Variants in KIAA1958 observed in about 807,000 individuals in gnomAD.
The protein encoded by KIAA1958 is uncharacterized protein KIAA1958.
A neutral mutation model predicts 47.2 loss-of-function variants in KIAA1958; 14 were observed. The ratio of observed to expected loss-of-function variants is 0.30; its 90% CI spans 0.20 to 0.46. KIAA1958 has a LOEUF of 0.46. Among genes scored for constraint, KIAA1958 ranks in the 20% least tolerant of loss-of-function variants. The pLI is 1.00. For synonymous variants in KIAA1958, 354 were observed against 353.3 expected, an observed-to-expected ratio of 1.00 and a Z score of -0.02; for missense variants, 803 against 909.2, an observed-to-expected ratio of 0.88 and a Z score of 1.50.
At chr9:112,489,372 T>A (rs1833923014) in intron 1 of KIAA1958, among the ~76,000 whole-genome samples, 1 of 152,192 alleles carries the variant, frequency 6.6e-6, no homozygotes, top group Non-Finnish European at 1.5e-5. Context: ...TACTGAGAAT[T>A]GTTTTGGCAA....
chr9:112,599,996 G>T (rs1418127500), intron 2 of KIAA1958, among the ~76,000 whole-genome samples: 1 of 152,162 alleles, frequency 6.6e-6, no homozygotes, highest in Non-Finnish European at 1.5e-5. Context: ...TTACAGTCCT[G>T]TGGGTTTCAT....
At chr9:112,623,789 G>T (rs966303773) in intron 2 of KIAA1958, among the ~76,000 whole-genome samples, 4 of 152,150 alleles carry the variant, frequency 2.6e-5, no homozygotes, top group African/African-American at 4.8e-5. Context: ...TTCAGGCAGG[G>T]AAGTGGGAGG....
At chr9:112,555,803 G>C (rs531384237) in intron 1 of KIAA1958, among the ~76,000 whole-genome samples, 1 of 152,136 alleles carries the variant, frequency 6.6e-6, no homozygotes, top group Non-Finnish European at 1.5e-5. Flanking sequence ...GACCCGGTGC[G>C]GTGGCTCACG....
At chr9:112,598,717 C>G (rs1442366848) in intron 2 of KIAA1958, among the ~76,000 whole-genome samples, 1 of 152,122 alleles carries the variant, frequency 6.6e-6, no homozygotes, top group Non-Finnish European at 1.5e-5. Flanking sequence ...AAACAAGACA[C>G]ACAAGAAAAC....
chr9:112,660,283 C>T lies in KIAA1958; in HGVS notation c.*214C>T, dbSNP rs1287205255. 15 of 567,490 alleles carry T rather than the reference C, an allele frequency of 2.6e-5. No homozygotes were observed. The highest frequency in any genetic ancestry group is 1.2e-4 in the South Asian group (5 of 42,256). The allele number at this position is 567,490 out of a possible 1,614,324, so 35.2% of individuals were successfully genotyped here. On this transcript the variant is annotated 3_prime_UTR_variant, in exon 4 of 4. Coordinates refer to ENST00000337530, the MANE Select transcript of KIAA1958 (RefSeq NM_133465.4). The stretch of plus-strand genomic sequence containing the variant: ...CATTCGGATGGTTTATCCAAATGTG[C>T]GTCAACTTCGTTAGCTTTTAGAATC...
At chr9:112,536,115 G>A (rs1224073641) in intron 1 of KIAA1958, among the ~76,000 whole-genome samples, 1 of 152,162 alleles carries the variant, frequency 6.6e-6, no homozygotes, top group Non-Finnish European at 1.5e-5. Flanking sequence ...CTCTCTACTG[G>A]AAGTGAATGT....
intron 1 of KIAA1958, among the ~76,000 whole-genome samples, chr9:112,557,101 G>C (rs1401030634): frequency 1.3e-5 from 2 of 151,966 alleles, no homozygotes; most frequent in African/African-American, 4.8e-5. Flanking sequence ...TGGGACTAAC[G>C]GCACGTACCA....
chr9:112,659,378 G>A lies in KIAA1958; in HGVS notation c.1460G>A (p.Arg487His), dbSNP rs1233593428. 4 of 1,614,026 alleles carry A rather than the reference G, an allele frequency of 2.5e-6. No homozygotes were observed. Among genetic ancestry groups the A allele is most frequent in the Non-Finnish European group, 1.7e-6 (2 of 1,180,026 alleles). Reference protein sequence around the residue: ...SLHAIRRGLDRILKNAGVGFS... With the variant: ...SLHAIRRGLDHILKNAGVGFS... Reference sequence around the variant, plus strand: ...CATGCTATTCGCCGAGGCCTGGACCGCATCCTGAAGAATGCAGGTGTCGGC... The same window carrying A: ...CATGCTATTCGCCGAGGCCTGGACCACATCCTGAAGAATGCAGGTGTCGGC... The change falls in exon 4 of 4, where the codon CGC (arginine) becomes CAC (histidine). Residue 487 changes from arginine (R) to histidine (H), a missense_variant. By Grantham distance (29) the Arg-to-His change is conservative. Coordinates refer to ENST00000337530, the MANE Select transcript of KIAA1958 (RefSeq NM_133465.4).
chr9:112,597,820 T>C (rs1258510604), intron 2 of KIAA1958, among the ~76,000 whole-genome samples: 1 of 152,242 alleles, frequency 6.6e-6, no homozygotes, highest in Non-Finnish European at 1.5e-5. Flanking sequence ...TTGTTTTCTT[T>C]TGGCTTTATA....
chr9:112,634,441 G>A (rs1836766179), intron 2 of KIAA1958, among the ~76,000 whole-genome samples: 1 of 152,078 alleles, frequency 6.6e-6, no homozygotes, highest in Non-Finnish European at 1.5e-5. Flanking sequence ...ATATTAGCCA[G>A]GCTGGTCTTG....
intron 1 of KIAA1958, among the ~76,000 whole-genome samples, chr9:112,506,299 A>G (rs1834233921): frequency 6.6e-6 from 1 of 152,114 alleles, no homozygotes. Flanking sequence ...TACTAAAAAT[A>G]CAAAAAATTA....
rs1837339084 is a variant in KIAA1958, at chr9:112,665,322, C to T, written c.*5253C>T. The T allele has an allele frequency of 6.6e-6, 1 of 152,148 alleles. No individual in the cohort carries two copies. The highest frequency in any genetic ancestry group is 1.5e-5 in the Non-Finnish European group (1 of 68,028). 9.4% of individuals were successfully genotyped at this position (152,148 alleles called of 1,614,324 possible). A position where few individuals can be genotyped will look rare whatever the true frequency, so the allele number is the denominator to read the frequency against. ...CTCAGATTTGACTAAGACTGTGTTA[C>T]GTGCTTTCTCACAGCTGCCATATAT... On this transcript the variant is annotated 3_prime_UTR_variant, in exon 4 of 4. Coordinates refer to ENST00000337530, the MANE Select transcript of KIAA1958 (RefSeq NM_133465.4).
At chr9:112,539,882 G>T (rs963937603) in intron 1 of KIAA1958, among the ~76,000 whole-genome samples, 1 of 151,880 alleles carries the variant, frequency 6.6e-6, no homozygotes, top group Non-Finnish European at 1.5e-5. Flanking sequence ...TGAGTGACGG[G>T]GTTTCACCAT....
intron 1 of KIAA1958, among the ~76,000 whole-genome samples, chr9:112,520,131 G>A (rs1048163522): frequency 6.6e-6 from 1 of 152,208 alleles, no homozygotes; most frequent in Non-Finnish European, 1.5e-5. Context: ...GTAGTAAGGA[G>A]ATGGCAAATT....
At chr9:112,552,819 A>G (rs575538497) in intron 1 of KIAA1958, among the ~76,000 whole-genome samples, 10 of 152,288 alleles carry the variant, frequency 6.6e-5, no homozygotes, top group African/African-American at 2.4e-4. Flanking sequence ...CCAAGTTGGC[A>G]TGCAGCTGTG....
intron 1 of KIAA1958, among the ~76,000 whole-genome samples, chr9:112,547,819 G>A (rs576380069): frequency 2.0e-4 from 30 of 152,158 alleles, no homozygotes; most frequent in South Asian, 1.0e-3. Context: ...TTTTAAGTCT[G>A]ATTAAGAAAC....
chr9:112,507,265 A>G (rs1834248855), intron 1 of KIAA1958, among the ~76,000 whole-genome samples: 2 of 152,306 alleles, frequency 1.3e-5, no homozygotes, highest in East Asian at 1.9e-4. Context: ...CACTCTTTTC[A>G]GGGCTTAGGT....
At chr9:112,579,677 AT>A (rs1239714955) in intron 2 of KIAA1958, among the ~76,000 whole-genome samples, 1 of 152,178 alleles carries the variant, frequency 6.6e-6, no homozygotes, top group Non-Finnish European at 1.5e-5. Context: ...CAAAAAATGC[AT>A]TCAGAAAGAA....
intron 3 of KIAA1958, among the ~76,000 whole-genome samples, chr9:112,653,270 T>C (rs1047327595): frequency 6.6e-6 from 1 of 152,160 alleles, no homozygotes; most frequent in African/African-American, 2.4e-5. Context: ...TTTCTAGTTA[T>C]GGCAAGAAGT....
Sources: allele counts gnomAD v4.1 joint callset (sites outside exome capture counted in the v4.1 genomes callset), GRCh38; gene constraint gnomAD v4.1.1; transcripts MANE v1.5; gene names NCBI Gene and HGNC (gene_info 2026-07-23, HGNC 2026-07-21).